GALNT17: variants seen among roughly 807,000 people sequenced by gnomAD.
GALNT17 encodes the protein UDP-GalNAc:polypeptide N-acetylgalactosaminyltransferase-like 3.
In GALNT17, 29 loss-of-function variants were observed where a neutral mutation model predicts 63.7. The observed-to-expected ratio is 0.46, with a 90% CI of 0.34 to 0.62. The LOEUF (loss-of-function observed/expected upper bound fraction) is 0.62, where lower values mean the gene tolerates loss of function less well. Ranked by LOEUF, GALNT17 falls within the 20% of genes least tolerant of loss-of-function variation. GALNT17 has a pLI of 0.01. For missense variants in GALNT17, 603 were observed against 799.6 expected (o/e 0.75, Z 2.97); for synonymous variants, 305 against 318.3 (o/e 0.96, Z 0.45).
intron 6 of GALNT17, among the ~76,000 whole-genome samples, chr7:71,584,129 C>A (rs1789680758): frequency 6.6e-6 from 1 of 152,122 alleles, no homozygotes; most frequent in Admixed American, 6.5e-5. Flanking sequence ...CAGACTGGGT[C>A]TCAAAACAAA....
intron 1 of GALNT17, among the ~76,000 whole-genome samples, chr7:71,280,607 C>G (rs1790763430): frequency 6.6e-6 from 1 of 152,166 alleles, no homozygotes; most frequent in Non-Finnish European, 1.5e-5. Context: ...TTCAGAGTTG[C>G]CTCTGGCTTT....
chr7:71,155,725 A>G lies in GALNT17; in HGVS notation c.238+22685A>G, dbSNP rs1407260603. ...CCTGGAGAATTTGGTGTTTCTATAAATAACACATCCTGGAAACCTATAGAG... is the reference window on the plus strand; with the variant it reads ...CCTGGAGAATTTGGTGTTTCTATAAGTAACACATCCTGGAAACCTATAGAG... On this transcript the variant is annotated intron_variant, in intron 1 of 10. Coordinates refer to ENST00000333538, the MANE Select transcript of GALNT17 (RefSeq NM_022479.3). Among the ~76,000 whole-genome samples, 3 of 151,844 alleles carry G rather than the reference A, an allele frequency of 2.0e-5. No individual in the cohort carries two copies. The East Asian group carries it at 5.8e-4, about 29-fold the overall frequency.
chr7:71,267,630 C>T (rs533370455), intron 1 of GALNT17, among the ~76,000 whole-genome samples: 16 of 152,286 alleles, frequency 1.1e-4, no homozygotes, highest in African/African-American at 3.9e-4. Context: ...CCTGTGTGTA[C>T]TGGCTCTTTT....
chr7:71,319,096 ATCTTTCTTTCTTTCTT>A (rs11272198), intron 1 of GALNT17, among the ~76,000 whole-genome samples: 1 of 131,882 alleles, frequency 7.6e-6, no homozygotes, highest in African/African-American at 3.1e-5. Flanking sequence ...ATTTTTGTTT[ATCTTTCTTTCTTTCTT>A]TCTTTCTTTC....
At chr7:71,234,304 C>T (rs916198538) in intron 1 of GALNT17, among the ~76,000 whole-genome samples, 1 of 152,148 alleles carries the variant, frequency 6.6e-6, no homozygotes, top group Non-Finnish European at 1.5e-5. Flanking sequence ...CTCTGTCGCC[C>T]AGGCTGGAGT....
At chr7:71,478,238 G>A (rs1026939620) in intron 5 of GALNT17, among the ~76,000 whole-genome samples, 2 of 152,114 alleles carry the variant, frequency 1.3e-5, no homozygotes, top group African/African-American at 4.8e-5. Flanking sequence ...GGTGGCTATG[G>A]CAAACCTGTG....
At chr7:71,385,058 A>G (rs1379993383) in intron 2 of GALNT17, among the ~76,000 whole-genome samples, 2 of 152,104 alleles carry the variant, frequency 1.3e-5, no homozygotes, top group African/African-American at 2.4e-5. Flanking sequence ...GTGCATGGTG[A>G]TTGGTCCTGT....
At chr7:71,382,226 A>T (rs1437560139) in intron 2 of GALNT17, among the ~76,000 whole-genome samples, 1 of 152,102 alleles carries the variant, frequency 6.6e-6, no homozygotes, top group Non-Finnish European at 1.5e-5. Flanking sequence ...ATAAAAATAG[A>T]AAAATTAGCC....
At chr7:71,408,954 G>A (rs887866905) in intron 3 of GALNT17, among the ~76,000 whole-genome samples, 3 of 148,994 alleles carry the variant, frequency 2.0e-5, no homozygotes, top group Non-Finnish European at 4.4e-5. Context: ...TATATATACT[G>A]TATATGTGTA....
chr7:71,651,036 A>C (rs548044706), intron 6 of GALNT17, among the ~76,000 whole-genome samples: 60 of 152,206 alleles, frequency 3.9e-4, no homozygotes, highest in African/African-American at 1.1e-3. Context: ...GGGTGCTGGG[A>C]ATACCAAGAA....
chr7:71,406,128 C>CTA (rs1793324836), intron 3 of GALNT17, among the ~76,000 whole-genome samples: 1 of 152,110 alleles, frequency 6.6e-6, no homozygotes, highest in South Asian at 2.1e-4. Context: ...TGGAGTGTTT[C>CTA]CTGATTAGCT....
At position 71,567,666 on chromosome 7, in the gene GALNT17, T is replaced by C. The variant is rs1291187544; in HGVS notation, c.963-3619T>C. Among the ~76,000 whole-genome samples the C allele has an allele frequency of 2.0e-5, 3 of 152,166 alleles. No homozygotes were observed. The East Asian group carries it at 5.8e-4, about 29-fold the overall frequency. ...CTTTAGTAGAGACGGGGTGTCACCA[T>C]GTTGGTCAGGCTGGTCTCAAACTCC... is the stretch of plus-strand genomic sequence containing the variant. On this transcript the variant is annotated intron_variant, in intron 5 of 10. Transcript: ENST00000333538.
chr7:71,513,138 C>A (rs2116730867), intron 5 of GALNT17, among the ~76,000 whole-genome samples: 1 of 152,202 alleles, frequency 6.6e-6, no homozygotes, highest in Middle Eastern at 3.4e-3. Context: ...TTGGGCCGTT[C>A]CCTAGGAGTC....
chr7:71,640,021 A>G (rs562681379), intron 6 of GALNT17, among the ~76,000 whole-genome samples: 1 of 152,342 alleles, frequency 6.6e-6, no homozygotes, highest in African/African-American at 2.4e-5. Flanking sequence ...GAGTGGGGAA[A>G]AAAACAACGT....
intron 6 of GALNT17, among the ~76,000 whole-genome samples, chr7:71,621,498 G>GAT (rs1488377053): frequency 8.1e-6 from 1 of 123,586 alleles, no homozygotes; most frequent in African/African-American, 2.9e-5. Context: ...TGGATTGATG[G>GAT]ATAGATGGAT....
In GALNT17 at chr7:71,618,504, A is replaced by C. The variant is rs147740521; in HGVS notation, c.1081-46907A>C. 4.8e-3 allele frequency among the ~76,000 whole-genome samples: 725 copies of C among 152,228 alleles called. 7 individuals are homozygous for C. Among genetic ancestry groups the C allele is most frequent in the Admixed American group, 5.1e-3 (78 of 15,292 alleles). The stretch of plus-strand genomic sequence containing the variant: ...GTTTCTTGCCTTTTTAGTAATAGCC[A>C]TTCTGACTGGTATGAGATGGTATCT... On this transcript the variant is annotated intron_variant, in intron 6 of 10. Transcript: ENST00000333538.
rs368327116 is a variant in GALNT17 at position 71,712,008 on chromosome 7, C to T, written c.1669-10C>T. 9.4e-5 allele frequency: 152 copies of T among 1,613,500 alleles called. No individual in the cohort carries two copies. The highest frequency in any genetic ancestry group is 1.6e-4 in the Middle Eastern group (1 of 6,084). The stretch of plus-strand genomic sequence containing the variant: ...TCTTCTCCTCTCTTCTCGATTTTGC[C>T]CCCTCCCAGAATGGAGCCATCATGA... On this transcript the variant is annotated splice_polypyrimidine_tract_variant and intron_variant, in intron 10 of 10. Coordinates refer to ENST00000333538, the MANE Select transcript of GALNT17 (RefSeq NM_022479.3).
chr7:71,206,825 G>A (rs1789279707), intron 1 of GALNT17, among the ~76,000 whole-genome samples: 1 of 152,130 alleles, frequency 6.6e-6, no homozygotes, highest in Non-Finnish European at 1.5e-5. Context: ...TGATCAGTAG[G>A]CCGGGCGTGG....
Position 71,290,989 on chromosome 7 carries a change from T to C in GALNT17, c.239-44561T>C, listed in dbSNP as rs529187883. Among the ~76,000 whole-genome samples the C allele has an allele frequency of 1.7e-4, 26 of 152,318 alleles. 1 individual carries two copies. The South Asian group carries it at 5.2e-3, about 30-fold the overall frequency. ...TGAGTTGGAATAGTGGATCTAGAAGTAGTAATACCTTCTTCATAGGACTTA... is the reference window on the plus strand; with the variant it reads ...TGAGTTGGAATAGTGGATCTAGAAGCAGTAATACCTTCTTCATAGGACTTA... On this transcript the variant is annotated intron_variant, in intron 1 of 10. Transcript: ENST00000333538.
Sources: gnomAD v4.1 joint callset for allele counts (sites outside exome capture counted in the v4.1 genomes callset) on GRCh38, gnomAD v4.1.1 for gene constraint, MANE v1.5 for transcripts, NCBI Gene and HGNC (gene_info 2026-07-23, HGNC 2026-07-21) for gene names.